TJP2: variants seen among roughly 807,000 people sequenced by gnomAD.
The protein encoded by TJP2 is Friedreich ataxia region gene X104 (tight junction protein ZO-2).
TJP2 carries 91 observed loss-of-function variants against 133.1 expected under a neutral mutation model. That is an observed-to-expected ratio of 0.68 (90% CI 0.58 to 0.81). The LOEUF (loss-of-function observed/expected upper bound fraction) is 0.81. Among genes scored for constraint, TJP2 ranks in the 40% least tolerant of loss-of-function variants. The pLI is 0.00. For synonymous variants in TJP2, 592 were observed against 583.4 expected (o/e 1.01, Z -0.21); for missense variants, 1,541 against 1,565.6 (o/e 0.98, Z 0.26).
chr9:69,249,438 C>A lies in TJP2; in HGVS notation c.2944C>A (p.Leu982Ile), dbSNP rs777343204. The change falls in exon 20 of 23, where the codon CTT becomes ATT. Residue 982 changes from leucine (L) to isoleucine (I), a missense_variant. Leu to Ile is a conservative substitution (Grantham distance 5). Coordinates refer to ENST00000377245, the MANE Select transcript of TJP2 (RefSeq NM_004817.4). ...QMRRAASSDQ[L>I]RDNSPPPAFK... ...GAGGAGGGCTGCTAGCAGCGATCAA[C>A]TTAGGGACAATAGCCCGCCCCCAGC... 6.2e-7 allele frequency: 1 copy of A among 1,611,706 alleles called. No homozygotes were observed. Among genetic ancestry groups the A allele is most frequent in the Non-Finnish European group, 8.5e-7 (1 of 1,178,812 alleles).
intron 17 of TJP2, among the ~76,000 whole-genome samples, chr9:69,243,154 G>A (rs543860837): frequency 2.5e-4 from 38 of 152,214 alleles, no homozygotes; most frequent in Admixed American, 6.5e-4. Flanking sequence ...ATGAGCCACC[G>A]TGCCTGGCCT....
intron 1 of TJP2, among the ~76,000 whole-genome samples, chr9:69,175,219 T>C (rs181639335): frequency 2.6e-4 from 40 of 152,358 alleles, no homozygotes; most frequent in Non-Finnish European, 4.0e-4. Context: ...GCTGCTTTTC[T>C]GGCAGCTGTC....
intron 1 of TJP2, among the ~76,000 whole-genome samples, chr9:69,193,935 C>T (rs766509155): frequency 1.3e-5 from 2 of 151,974 alleles, no homozygotes; most frequent in Admixed American, 1.3e-4. Context: ...GCTAAGTATA[C>T]CATGCAAGAA....
intron 1 of TJP2, chr9:69,204,892 C>G (rs999349362): frequency 1.0e-5 from 13 of 1,252,070 alleles, no homozygotes; most frequent in Admixed American, 3.7e-5. Context: ...CTCGGATGCT[C>G]TAGTTCCCTG....
At chr9:69,227,200 G>C (rs1270977665) in intron 7 of TJP2, among the ~76,000 whole-genome samples, 1 of 151,994 alleles carries the variant, frequency 6.6e-6, no homozygotes, top group African/African-American at 2.4e-5. Flanking sequence ...AGAAGTTGTT[G>C]ATGACTGTTA....
chr9:69,130,173 T>C (rs575974485), intron 1 of TJP2, among the ~76,000 whole-genome samples: 6 of 152,300 alleles, frequency 3.9e-5, no homozygotes, highest in African/African-American at 1.4e-4. Flanking sequence ...TTTTCTTCAT[T>C]CTCTACAGTC....
chr9:69,190,940 A>G (rs1393738497), intron 1 of TJP2, among the ~76,000 whole-genome samples: 1 of 152,184 alleles, frequency 6.6e-6, no homozygotes, highest in East Asian at 1.9e-4. Flanking sequence ...CCTTTGAGAA[A>G]ATGTTTCCTG....
At chr9:69,225,102 C>T (rs1829234019) in intron 5 of TJP2, among the ~76,000 whole-genome samples, 1 of 152,134 alleles carries the variant, frequency 6.6e-6, no homozygotes, top group Non-Finnish European at 1.5e-5. Flanking sequence ...TTTTATGTAA[C>T]TTTTAATCTG....
intron 1 of TJP2, among the ~76,000 whole-genome samples, chr9:69,209,256 C>T (rs914945008): frequency 5.3e-5 from 8 of 152,120 alleles, no homozygotes; most frequent in African/African-American, 1.4e-4. Context: ...CTTCAGCCTC[C>T]CAAGTAGCTG....
At chr9:69,134,922 GGA>G in intron 1 of TJP2, among the ~76,000 whole-genome samples, 1 of 151,482 alleles carries the variant, frequency 6.6e-6, no homozygotes, top group African/African-American at 2.4e-5. Flanking sequence ...CATTGTGTAT[GGA>G]GAGAGAGGGA....
At chr9:69,229,360 TC>T in intron 10 of TJP2, 110 bp downstream of exon 10, 1 of 1,046,026 alleles carries the variant, frequency 9.6e-7, no homozygotes. Flanking sequence ...TTGTACACTG[TC>T]AGCCACCTGT....
chr9:69,248,593 G>A, intron 19 of TJP2: 4 of 1,170,514 alleles, frequency 3.4e-6, no homozygotes, highest in Non-Finnish European at 4.2e-6. Flanking sequence ...ACTCTTAGAT[G>A]TCCTTGCTTT....
intron 1 of TJP2, among the ~76,000 whole-genome samples, chr9:69,141,751 C>T (rs968115248): frequency 1.6e-4 from 25 of 152,046 alleles, no homozygotes; most frequent in African/African-American, 5.3e-4. Flanking sequence ...CCACCATGCC[C>T]GGCTTTTTTG....
Position 69,239,940 on chromosome 9 carries a change from A to G in TJP2, c.2359A>G (p.Lys787Glu). ...ACTTTTCCCCTTTTGTAAACAGGAT[A>G]AGCATGCACTACTGGATGTGACTCC... ...NTVRQIIEQD[K>E]HALLDVTPKA... Residue 787 changes from lysine (K) to glutamate (E), a missense_variant, in exon 17 of 23, where the codon AAG becomes GAG. Coordinates refer to ENST00000377245, the MANE Select transcript of TJP2 (RefSeq NM_004817.4). 3 of 1,613,528 alleles carry G rather than the reference A, an allele frequency of 1.9e-6. No individual in the cohort carries two copies. Among genetic ancestry groups the G allele is most frequent in the East Asian group, 2.2e-5 (1 of 44,884 alleles).
Position 69,225,418 on chromosome 9 carries a change from G to T in TJP2, c.1056+11G>T, listed in dbSNP as rs373150693. 6.1e-4 allele frequency: 967 copies of T among 1,583,940 alleles called. 1 individual carries two copies. The highest frequency in any genetic ancestry group is 7.9e-4 in the Non-Finnish European group (914 of 1,153,258). On this transcript the variant is annotated intron_variant, in intron 6 of 22. Transcript: ENST00000377245. ...GACATAATTCTCAAGGTGGGTAGAT[G>T]GGGGCAGAGAACGGTAGTGTGCATA...
rs138450503 is a variant in TJP2 at position 69,157,464 on chromosome 9, G to T, written c.-10+5693G>T. The stretch of plus-strand genomic sequence containing the variant: ...GAAGTCTGAACTCAAGGTGTCTGCA[G>T]AGTTGGTTTTTTTTTTTTTGAGACA... On this transcript the variant is annotated intron_variant, in intron 2 of 5. Transcript: ENST00000423935. Among the ~76,000 whole-genome samples the T allele has an allele frequency of 4.6e-3, 632 of 136,422 alleles. 8 individuals are homozygous for T. The highest frequency in any genetic ancestry group is 0.016 in the African/African-American group (594 of 36,256). The allele number at this position is 136,422 out of a possible 152,430, so 89.5% of individuals were successfully genotyped here.
chr9:69,216,238 C>G (rs1384718437), intron 2 of TJP2, 101 bp from the exon 3 acceptor site: 1 of 1,412,534 alleles, frequency 7.1e-7, no homozygotes, highest in Non-Finnish European at 9.9e-7. Context: ...CCTGAACAGT[C>G]TCTGGTTATT....
Position 69,126,588 on chromosome 9 carries a change from A to G in TJP2, c.-131+4863A>G, listed in dbSNP as rs1178079338. ...GAAGCTGCCACATGCTGGTATATAA[A>G]ATAAAGGAAATAATTATCTTGCTCC... is the stretch of plus-strand genomic sequence containing the variant. On this transcript the variant is annotated intron_variant, in intron 1 of 5. Transcript: ENST00000423935. Among the ~76,000 whole-genome samples, 2 of 77,318 alleles carry G rather than the reference A, an allele frequency of 2.6e-5. 1 individual carries two copies. The highest frequency in any genetic ancestry group is 7.9e-5 in the African/African-American group (2 of 25,356). 50.7% of individuals were successfully genotyped at this position (77,318 alleles called of 152,430 possible). A position where few individuals can be genotyped will look rare whatever the true frequency, so the allele number is the denominator to read the frequency against.
intron 1 of TJP2, among the ~76,000 whole-genome samples, chr9:69,131,243 C>T (rs374488524): frequency 2.0e-5 from 3 of 152,184 alleles, no homozygotes; most frequent in Non-Finnish European, 4.4e-5. Flanking sequence ...TTTGCCTGCT[C>T]AGCTTAATAG....
Sources: allele counts gnomAD v4.1 joint callset (sites outside exome capture counted in the v4.1 genomes callset), GRCh38; gene constraint gnomAD v4.1.1; transcripts MANE v1.5; gene names NCBI Gene and HGNC (gene_info 2026-07-23, HGNC 2026-07-21).